Variants in DENND2B observed in about 807,000 individuals in gnomAD.
The protein encoded by DENND2B is DENN domain-containing protein 2B.
A neutral mutation model predicts 116.0 loss-of-function variants in DENND2B; 32 were observed. The ratio of observed to expected loss-of-function variants is 0.28; its 90% CI spans 0.21 to 0.37. The LOEUF is 0.37. Among genes scored for constraint, DENND2B ranks in the 10% least tolerant of loss-of-function variants. DENND2B has a pLI of 1.00. For synonymous variants in DENND2B, 588 were observed against 583.9 expected (o/e 1.01, Z -0.10); for missense variants, 1,276 against 1,477.7 (o/e 0.86, Z 2.24).
intron 4 of DENND2B, among the ~76,000 whole-genome samples, chr11:8,722,297 C>A (rs1411715190): frequency 1.4e-4 from 21 of 152,184 alleles, no homozygotes; most frequent in Admixed American, 1.4e-3. Context: ...AACTGGCCCT[C>A]CACCTATGAC....
intron 1 of DENND2B, among the ~76,000 whole-genome samples, chr11:8,788,127 C>T (rs890243343): frequency 3.3e-5 from 5 of 152,108 alleles, no homozygotes; most frequent in African/African-American, 7.2e-5. Context: ...CACTCAGGGA[C>T]GGCCACCCCT....
rs150379692 is a variant in DENND2B at position 8,832,840 on chromosome 11, G to T, written c.-115+6470C>A. Among the ~76,000 whole-genome samples, 416 of 152,358 alleles carry T rather than the reference G, an allele frequency of 2.7e-3. 3 individuals are homozygous for T. The highest frequency in any genetic ancestry group is 9.7e-3 in the African/African-American group (403 of 41,586). On this transcript the variant is annotated intron_variant, in intron 4 of 6. Coordinates refer to the DENND2B transcript ENST00000524757. ...ACAGGAGGCGAGGACACAGTGGTGG[G>T]AAGAGGCCCTGACAGAACAAGCCTG...
chr11:8,714,774 G>T, intron 6 of DENND2B, 68 bp from the exon 7 acceptor site: 1 of 1,348,304 alleles, frequency 7.4e-7, no homozygotes, highest in Non-Finnish European at 1.1e-6. Context: ...AGAAGGCTGA[G>T]TAGGAGCCCA....
At chr11:8,767,452 C>T (rs986696705) in intron 1 of DENND2B, among the ~76,000 whole-genome samples, 8 of 152,088 alleles carry the variant, frequency 5.3e-5, no homozygotes, top group African/African-American at 1.9e-4. Context: ...TCTTAAATTC[C>T]ATTTGGAGAC....
At chr11:8,795,636 C>T (rs1233311771) in intron 1 of DENND2B, among the ~76,000 whole-genome samples, 1 of 152,174 alleles carries the variant, frequency 6.6e-6, no homozygotes, top group Non-Finnish European at 1.5e-5. Flanking sequence ...TATCATCCTC[C>T]AGTTACAGCC....
At chr11:8,804,242 T>A (rs2060621524) in intron 1 of DENND2B, among the ~76,000 whole-genome samples, 1 of 152,162 alleles carries the variant, frequency 6.6e-6, no homozygotes, top group Non-Finnish European at 1.5e-5. Flanking sequence ...GTAGGCCAGG[T>A]CTGAAAGGGC....
intron 2 of DENND2B, among the ~76,000 whole-genome samples, chr11:8,734,192 T>C (rs1197955881): frequency 1.3e-5 from 2 of 152,232 alleles, no homozygotes; most frequent in African/African-American, 4.8e-5. Flanking sequence ...ATTCTACCTC[T>C]TATTAGCAAT....
chr11:8,712,428 G>T lies in DENND2B; in HGVS notation c.2172+123C>A. 1 of 1,171,582 alleles carries T rather than the reference G, an allele frequency of 8.5e-7. No homozygotes were observed. The highest frequency in any genetic ancestry group is 1.6e-5 in the South Asian group (1 of 62,732). 72.6% of individuals were successfully genotyped at this position (1,171,582 alleles called of 1,614,324 possible). ...TCCTGGCTGAGAGGAGGCAGGTTCAGGGCTGTGGCAGCTCGGTGAGGACGT... is the reference window on the plus strand; with the variant it reads ...TCCTGGCTGAGAGGAGGCAGGTTCATGGCTGTGGCAGCTCGGTGAGGACGT... On this transcript the variant is annotated intron_variant, in intron 9 of 19. Coordinates refer to ENST00000313726, the MANE Select transcript of DENND2B (RefSeq NM_213618.2). The surrounding 1 kb of genome is among the most constrained non-coding windows in gnomAD (Gnocchi z 4.4).
At position 8,779,899 on chromosome 11, in the gene DENND2B, A is replaced by T. The variant is rs892651122; in HGVS notation, c.-25-29174T>A. ...CCAGCCTAACTTCCTAAACTCAAAA[A>T]CATCCCATTGAAATTCCTGGTACTC... is the stretch of plus-strand genomic sequence containing the variant. On this transcript the variant is annotated intron_variant, in intron 1 of 19. Coordinates refer to ENST00000313726, the MANE Select transcript of DENND2B (RefSeq NM_213618.2). Among the ~76,000 whole-genome samples the T allele has an allele frequency of 4.6e-5, 7 of 152,294 alleles. No homozygotes were observed. In the East Asian group the frequency reaches 1.3e-3, roughly 29 times the overall value.
At chr11:8,762,563 T>C (rs1408440657) in intron 1 of DENND2B, among the ~76,000 whole-genome samples, 2 of 152,142 alleles carry the variant, frequency 1.3e-5, no homozygotes, top group Admixed American at 1.3e-4. Flanking sequence ...AAAATTGCTC[T>C]CTGAAAAGCT....
intron 2 of DENND2B, among the ~76,000 whole-genome samples, chr11:8,736,512 AAAG>A (rs1190952946): frequency 2.0e-5 from 3 of 152,284 alleles, no homozygotes; most frequent in East Asian, 3.9e-4. Flanking sequence ...GGGGGCCAAT[AAAG>A]AAGAATAAAG....
At chr11:8,862,313 T>TTTTTCAC (rs2063420308) in intron 2 of DENND2B, among the ~76,000 whole-genome samples, 1 of 144,848 alleles carries the variant, frequency 6.9e-6, no homozygotes, top group African/African-American at 2.5e-5. Flanking sequence ...AAAGATTAAC[T>TTTTTCAC]TTTTCACTCT....
intron 1 of DENND2B, among the ~76,000 whole-genome samples, chr11:8,881,653 A>C (rs1594335653): frequency 6.6e-6 from 1 of 152,162 alleles, no homozygotes; most frequent in Non-Finnish European, 1.5e-5. Flanking sequence ...CTTGTGCCTC[A>C]GCCTCCTGAG....
chr11:8,804,416 A>C (rs1351196099), intron 1 of DENND2B, among the ~76,000 whole-genome samples: 1 of 152,152 alleles, frequency 6.6e-6, no homozygotes, highest in East Asian at 1.9e-4. Flanking sequence ...AGCAGCTTTG[A>C]GAGGTGGGGA....
intron 2 of DENND2B, among the ~76,000 whole-genome samples, chr11:8,740,252 T>C (rs147485408): frequency 1.3e-5 from 2 of 151,418 alleles, no homozygotes; most frequent in African/African-American, 4.8e-5. Flanking sequence ...TGTGTGCGCA[T>C]GCACATAGAC....
At chr11:8,887,030 G>A (rs2063968828) in intron 1 of DENND2B, among the ~76,000 whole-genome samples, 1 of 152,092 alleles carries the variant, frequency 6.6e-6, no homozygotes, top group South Asian at 2.1e-4. Context: ...GTTTCTCCAT[G>A]TTGGTCAGGC....
intron 4 of DENND2B, among the ~76,000 whole-genome samples, chr11:8,822,445 C>T (rs558387150): frequency 4.6e-5 from 7 of 152,262 alleles, no homozygotes; most frequent in African/African-American, 1.7e-4. Context: ...CATTAGATTC[C>T]CAGGATTTAT....
At chr11:8,803,253 C>T (rs752900540) in intron 1 of DENND2B, among the ~76,000 whole-genome samples, 18 of 152,160 alleles carry the variant, frequency 1.2e-4, no homozygotes, top group East Asian at 5.8e-4. Context: ...GGTGTGGTGG[C>T]GCACATCTGT....
At position 8,730,847 on chromosome 11, in the gene DENND2B, C is replaced by CG; in HGVS notation, c.442dup (p.Arg148ProfsTer52). 6.2e-7 allele frequency: 1 copy of CG among 1,613,262 alleles called. No homozygotes were observed. Among genetic ancestry groups the CG allele is most frequent in the South Asian group, 1.1e-5 (1 of 91,074 alleles). On this transcript the variant is annotated frameshift_variant, in exon 3 of 20. Transcript: ENST00000313726. LOFTEE classifies it high-confidence loss of function. The surrounding 1 kb of genome is among the most constrained non-coding windows in gnomAD (Gnocchi z 4.1). ...ACCGGTACGGGTCAGCAAGACGCCC[C>CG]GGGGGCCAGCTGCTGGCCCCGGGAA...
Sources: allele counts gnomAD v4.1 joint callset (sites outside exome capture counted in the v4.1 genomes callset), GRCh38; gene constraint gnomAD v4.1.1; non-coding constraint Gnocchi (gnomAD v3.1); transcripts MANE v1.5; gene names NCBI Gene and HGNC (gene_info 2026-07-23, HGNC 2026-07-21).